Variants in CCDC141 observed in about 807,000 individuals in gnomAD.
CCDC141 encodes coiled-coil domain-containing protein 141.
CCDC141 carries 168 observed loss-of-function variants against 181.0 expected under a neutral mutation model. The observed-to-expected ratio is 0.93, with a 90% CI of 0.82 to 1.05. The LOEUF is 1.05. Among genes scored for constraint, CCDC141 ranks in the 50% least tolerant of loss-of-function variants. The pLI is 0.00. For missense variants in CCDC141, 1,902 were observed against 1,788.5 expected (o/e 1.06, Z -1.14); for synonymous variants, 666 against 642.3 (o/e 1.04, Z -0.56).
chr2:178,904,982 A>T (rs1687891402), intron 8 of CCDC141, among the ~76,000 whole-genome samples: 1 of 152,208 alleles, frequency 6.6e-6, no homozygotes, highest in Non-Finnish European at 1.5e-5. Context: ...AAGACTCATG[A>T]ACCAAAGGGA....
At chr2:178,969,001 T>C (rs998526374) in intron 4 of CCDC141, among the ~76,000 whole-genome samples, 37 of 149,146 alleles carry the variant, frequency 2.5e-4, no homozygotes, top group African/African-American at 8.9e-4. Flanking sequence ...GATAAATTCC[T>C]GGACACATAC....
chr2:178,955,518 A>T (rs1348328012), intron 5 of CCDC141, among the ~76,000 whole-genome samples: 2 of 152,332 alleles, frequency 1.3e-5, no homozygotes, highest in East Asian at 3.9e-4. Flanking sequence ...AATACTATAC[A>T]CTTATTAAAA....
chr2:178,900,601 G>A (rs573861488), intron 8 of CCDC141, among the ~76,000 whole-genome samples: 1 of 152,172 alleles, frequency 6.6e-6, no homozygotes, highest in Middle Eastern at 3.4e-3. Flanking sequence ...AAAATGGATG[G>A]CTAAAAATAG....
chr2:178,915,385 C>G (rs1448954627), intron 7 of CCDC141, among the ~76,000 whole-genome samples: 2 of 151,950 alleles, frequency 1.3e-5, no homozygotes, highest in African/African-American at 4.8e-5. Context: ...TTTAAAAAAT[C>G]ATATATTTCA....
intron 3 of CCDC141, among the ~76,000 whole-genome samples, chr2:178,977,198 G>T (rs1337128632): frequency 6.6e-6 from 1 of 152,054 alleles, no homozygotes; most frequent in Non-Finnish European, 1.5e-5. Flanking sequence ...CTTAATTATG[G>T]TTTGGCCTAC....
chr2:179,038,563 A>C (rs2043207412), intron 2 of CCDC141, among the ~76,000 whole-genome samples: 2 of 152,204 alleles, frequency 1.3e-5, no homozygotes, highest in South Asian at 4.1e-4. Context: ...ATGCATTCTT[A>C]GTAAATATTT....
chr2:178,979,365 A>G lies in CCDC141; in HGVS notation c.226-690T>C, dbSNP rs1001525032. On this transcript the variant is annotated intron_variant, in intron 2 of 23. Transcript: ENST00000443758. ...TAAAATAGTATGAATAAATTCTAAA[A>G]TATCAACATAAAAAGGAACTTAAAA... 1.3e-4 allele frequency among the ~76,000 whole-genome samples: 20 copies of G among 152,186 alleles called. 1 individual carries two copies. The highest frequency in any genetic ancestry group is 4.8e-4 in the African/African-American group (20 of 41,466).
At chr2:178,942,743 C>G (rs1689573292) in intron 6 of CCDC141, among the ~76,000 whole-genome samples, 2 of 152,118 alleles carry the variant, frequency 1.3e-5, no homozygotes, top group African/African-American at 4.8e-5. Context: ...ATGGGGGAGG[C>G]TACGAATGTG....
At chr2:178,898,213 ACAGCAGGTTG>A (rs1191217651) in intron 8 of CCDC141, among the ~76,000 whole-genome samples, 1 of 152,184 alleles carries the variant, frequency 6.6e-6, no homozygotes, top group Non-Finnish European at 1.5e-5. Flanking sequence ...AGTTCCCACT[ACAGCAGGTTG>A]TTATAAAACA....
chr2:178,828,573 C>G (rs1684158918), downstream of CCDC141, among the ~76,000 whole-genome samples: 1 of 152,076 alleles, frequency 6.6e-6, no homozygotes, highest in African/African-American at 2.4e-5. Context: ...CAAAGGCTGA[C>G]CCTGCAGGGT....
intron 1 of CCDC141, among the ~76,000 whole-genome samples, chr2:179,049,235 GC>G (rs2043598243): frequency 6.6e-6 from 1 of 152,138 alleles, no homozygotes; most frequent in South Asian, 2.1e-4. Flanking sequence ...GCTGTTAAGA[GC>G]AAATTTGACA....
At chr2:178,866,252 T>C (rs1685846336) in intron 16 of CCDC141, among the ~76,000 whole-genome samples, 1 of 152,238 alleles carries the variant, frequency 6.6e-6, no homozygotes, top group Non-Finnish European at 1.5e-5. Flanking sequence ...TGCACTATAA[T>C]TTTCCTGTCA....
rs971308094 is a variant in CCDC141, at chr2:178,911,186, G to A, written c.1093-5685C>T. Among the ~76,000 whole-genome samples the A allele has an allele frequency of 5.9e-5, 9 of 152,160 alleles. No individual in the cohort carries two copies. In the South Asian group the frequency reaches 8.3e-4, roughly 14 times the overall value. ...ATTTATGGACTATGTACTCAGCTAC[G>A]TGCTGGGAATGTGAAAATGAACAAA... On this transcript the variant is annotated intron_variant, in intron 7 of 23. Transcript: ENST00000443758.
chr2:178,837,516 C>T lies in CCDC141; in HGVS notation c.3703G>A (p.Glu1235Lys), dbSNP rs1005901240. Reference protein sequence around the residue: ...SPLAPSDMEVEEPVSSSLSLH... With the variant: ...SPLAPSDMEVKEPVSSSLSLH... ...CTGAGGGAGGAGCTGACAGGCTCTT[C>T]CACCTCCATGTCAGATGGTGCAAGA... is the stretch of plus-strand genomic sequence containing the variant. The change falls in exon 23 of 24, where the codon GAA (glutamate) becomes AAA (lysine). Residue 1235 changes from glutamate (E) to lysine (K), a missense_variant. By Grantham distance (56) the Glu-to-Lys change is moderately conservative. Coordinates refer to ENST00000443758, the MANE Select transcript of CCDC141 (RefSeq NM_173648.4). 3 of 1,613,894 alleles carry T rather than the reference C, an allele frequency of 1.9e-6. No homozygotes were observed. Among genetic ancestry groups the T allele is most frequent in the Non-Finnish European group, 2.5e-6 (3 of 1,179,966 alleles).
At position 178,888,581 on chromosome 2, in the gene CCDC141, T is replaced by C; in HGVS notation, c.1353A>G (p.Glu451=). 6.4e-7 allele frequency: 1 copy of C among 1,550,624 alleles called. No homozygotes were observed. ...HLTEQCSAHK[E]YALKKQQLTA... ...TTAGTTGTTGTTTCTTAAGAGCATA[T>C]TCCTTGTGCGCTGAACACTGTTCGG... The change falls in exon 9 of 24, where the codon GAA becomes GAG. Residue 451 remains glutamate, a synonymous_variant. Coordinates refer to ENST00000443758, the MANE Select transcript of CCDC141 (RefSeq NM_173648.4).
At chr2:179,005,480 AAAC>A (rs1439838087) in intron 2 of CCDC141, among the ~76,000 whole-genome samples, 9 of 152,220 alleles carry the variant, frequency 5.9e-5, no homozygotes, top group African/African-American at 2.2e-4. Flanking sequence ...ATCTATTAAA[AAAC>A]AATAAAAAAG....
chr2:178,853,932 G>A (rs1283919289), intron 19 of CCDC141, among the ~76,000 whole-genome samples: 2 of 152,162 alleles, frequency 1.3e-5, no homozygotes, highest in African/African-American at 4.8e-5. Context: ...TAAGAGGAAT[G>A]TTGCAGACTT....
the CCDC141 span, chr2:178,817,826 G>A: frequency 4.2e-6 from 1 of 236,592 alleles, no homozygotes. Flanking sequence ...TTCTTTCAAT[G>A]GAGTCTCATT....
intron 2 of CCDC141, among the ~76,000 whole-genome samples, chr2:178,986,359 CATACTG>C (rs1691739114): frequency 6.6e-6 from 1 of 152,162 alleles, no homozygotes; most frequent in African/African-American, 2.4e-5. Context: ...CAGCCAATAT[CATACTG>C]AATGGGCAAA....
Sources: gnomAD v4.1 joint callset for allele counts (sites outside exome capture counted in the v4.1 genomes callset) on GRCh38, gnomAD v4.1.1 for gene constraint, MANE v1.5 for transcripts, NCBI Gene and HGNC (gene_info 2026-07-23, HGNC 2026-07-21) for gene names.